The following GAD2 variants were observed in gnomAD, a reference collection of about 807,000 sequenced individuals.
The protein encoded by GAD2 is 65 kDa glutamic acid decarboxylase.
In GAD2, 22 loss-of-function variants were observed where a neutral mutation model predicts 80.1. The ratio of observed to expected loss-of-function variants is 0.27; its 90% CI spans 0.20 to 0.39. The LOEUF is 0.39. Ranked by LOEUF, GAD2 falls within the 10% of genes least tolerant of loss-of-function variation. The probability of loss-of-function intolerance (pLI) is 1.00; values close to 1 mark genes in which losing one functional copy is unlikely to be tolerated. For synonymous variants in GAD2, 274 were observed against 256.9 expected (o/e 1.07, Z -0.64); for missense variants, 624 against 738.4 (o/e 0.85, Z 1.80).
At chr10:26,282,621 G>A (rs1448344616) in intron 12 of GAD2, among the ~76,000 whole-genome samples, 1 of 151,906 alleles carries the variant, frequency 6.6e-6, no homozygotes, top group Non-Finnish European at 1.5e-5. Context: ...TATCTCTATG[G>A]TTAAAATATT....
intron 8 of GAD2, among the ~76,000 whole-genome samples, chr10:26,266,103 C>G (rs1178521820): frequency 1.3e-5 from 2 of 152,220 alleles, no homozygotes; most frequent in African/African-American, 4.8e-5. Flanking sequence ...GATGAACATG[C>G]AAATTCTTGT....
intron 8 of GAD2, among the ~76,000 whole-genome samples, chr10:26,254,581 A>G (rs948416152): frequency 3.3e-5 from 5 of 152,200 alleles, no homozygotes; most frequent in Admixed American, 6.5e-5. Flanking sequence ...AGAAGAGAGG[A>G]CTTGGTCAGA....
chr10:26,281,156 C>G, intron 12 of GAD2, 69 bp downstream of exon 12: 1 of 1,148,082 alleles, frequency 8.7e-7, no homozygotes, highest in Non-Finnish European at 1.3e-6. Context: ...GGTTGACTTT[C>G]TCTGGAAATG....
intron 4 of GAD2, among the ~76,000 whole-genome samples, chr10:26,221,614 T>A (rs1006733554): frequency 6.6e-6 from 1 of 152,180 alleles, no homozygotes; most frequent in African/African-American, 2.4e-5. Context: ...AAGAGCAGTT[T>A]GGACCGACTT....
At chr10:26,220,723 C>T (rs772952346) in intron 4 of GAD2, among the ~76,000 whole-genome samples, 60 of 152,188 alleles carry the variant, frequency 3.9e-4, no homozygotes, top group Admixed American at 1.6e-3. Flanking sequence ...TAAATTGCCA[C>T]CTATTGTTTG....
chr10:26,285,640 T>C (rs1242972747), intron 12 of GAD2, among the ~76,000 whole-genome samples: 1 of 152,216 alleles, frequency 6.6e-6, no homozygotes, highest in African/African-American at 2.4e-5. Flanking sequence ...ACGATGAAAC[T>C]TTCCACTTAT....
intron 13 of GAD2, among the ~76,000 whole-genome samples, chr10:26,291,715 G>T (rs922629541): frequency 6.6e-6 from 1 of 152,186 alleles, no homozygotes; most frequent in African/African-American, 2.4e-5. Context: ...AAGGAGATAA[G>T]AGGAAAGCCA....
At chr10:26,254,496 G>A (rs563561822) in intron 8 of GAD2, among the ~76,000 whole-genome samples, 4 of 152,262 alleles carry the variant, frequency 2.6e-5, no homozygotes, top group South Asian at 2.1e-4. Flanking sequence ...GTACTGGTCC[G>A]TGGCCCGGGT....
chr10:26,251,888 A>T (rs1164390388), intron 8 of GAD2, among the ~76,000 whole-genome samples: 1 of 152,226 alleles, frequency 6.6e-6, no homozygotes, highest in Non-Finnish European at 1.5e-5. Flanking sequence ...GGTTTAAGTG[A>T]CATTGAAGTG....
chr10:26,277,840 T>C (rs928727351), intron 11 of GAD2, among the ~76,000 whole-genome samples: 4 of 152,264 alleles, frequency 2.6e-5, no homozygotes, highest in South Asian at 2.1e-4. Context: ...GCAGTGGCGA[T>C]TGGGGCCTAT....
intron 7 of GAD2, among the ~76,000 whole-genome samples, chr10:26,239,214 C>T (rs1844711098): frequency 6.6e-6 from 1 of 152,168 alleles, no homozygotes; most frequent in Admixed American, 6.5e-5. Context: ...GATAGGATGT[C>T]AGAAGAGTTA....
intron 8 of GAD2, among the ~76,000 whole-genome samples, chr10:26,264,230 AG>A (rs1845041923): frequency 6.6e-6 from 1 of 152,204 alleles, no homozygotes; most frequent in Admixed American, 6.5e-5. Context: ...ATGAGTAAAA[AG>A]AAGAACTTAA....
chr10:26,299,760 T>C (rs990610253), intron 15 of GAD2, among the ~76,000 whole-genome samples: 3 of 152,190 alleles, frequency 2.0e-5, no homozygotes, highest in Non-Finnish European at 1.5e-5. Flanking sequence ...GGAAGGATCA[T>C]GGATGATATG....
chr10:26,274,785 G>T (rs571383143), intron 11 of GAD2, among the ~76,000 whole-genome samples: 1 of 152,188 alleles, frequency 6.6e-6, no homozygotes, highest in Non-Finnish European at 1.5e-5. Context: ...TGGTTACTGG[G>T]CTGGAGTCAA....
At chr10:26,295,513 CA>C (rs1834264849) in intron 15 of GAD2, among the ~76,000 whole-genome samples, 1 of 145,144 alleles carries the variant, frequency 6.9e-6, no homozygotes, top group African/African-American at 2.5e-5. Context: ...CGCATGCACA[CA>C]CACACACACA....
intron 10 of GAD2, 22 bp downstream of exon 10, chr10:26,270,778 G>T (rs756847330): frequency 2.0e-6 from 3 of 1,475,262 alleles, no homozygotes; most frequent in Non-Finnish European, 9.5e-7. Flanking sequence ...TTAGGGACTG[G>T]CCACTAAAAC....
At chr10:26,287,925 T>A (rs1012232179) in intron 13 of GAD2, among the ~76,000 whole-genome samples, 5 of 152,238 alleles carry the variant, frequency 3.3e-5, no homozygotes, top group South Asian at 2.1e-4. Context: ...AAAAAGCAAA[T>A]AACTTGGTCA....
At chr10:26,220,656 G>A (rs551370219) in intron 4 of GAD2, among the ~76,000 whole-genome samples, 94 of 152,250 alleles carry the variant, frequency 6.2e-4, no homozygotes, top group African/African-American at 2.2e-3. Flanking sequence ...CCTGGGTGAT[G>A]CTTTTAATTC....
chr10:26,244,459 A>G (rs1328794726), intron 7 of GAD2, among the ~76,000 whole-genome samples: 3 of 152,242 alleles, frequency 2.0e-5, no homozygotes, highest in Non-Finnish European at 2.9e-5. Context: ...ATTATTCGCA[A>G]TAGCCAAAAG....
Sources: allele counts gnomAD v4.1 joint callset (sites outside exome capture counted in the v4.1 genomes callset), GRCh38; gene constraint gnomAD v4.1.1; transcripts MANE v1.5; gene names NCBI Gene and HGNC (gene_info 2026-07-23, HGNC 2026-07-21).